Variants in CCDC171 observed in about 807,000 individuals in gnomAD.
CCDC171 encodes coiled-coil domain containing 171.
A neutral mutation model predicts 168.2 loss-of-function variants in CCDC171; 177 were observed. The observed-to-expected ratio is 1.05, with a 90% CI of 0.93 to 1.19. The LOEUF is 1.19. Among genes scored for constraint, CCDC171 ranks in the 50% most tolerant of loss-of-function variants. The pLI, the probability that CCDC171 is intolerant of heterozygous loss-of-function variation, is 0.00. For missense variants in CCDC171, 1,991 were observed against 1,539.0 expected (o/e 1.29, Z -4.91); for synonymous variants, 687 against 540.8 (o/e 1.27, Z -3.75).
At chr9:15,977,416 A>G (rs1019437323), downstream of CCDC171, among the ~76,000 whole-genome samples, 4 of 152,234 alleles carry the variant, frequency 2.6e-5, no homozygotes, top group African/African-American at 9.6e-5. Flanking sequence ...TGGATATAGT[A>G]TGGGAAGGAG....
At chr9:15,950,467 T>C (rs1177026054) in intron 25 of CCDC171, among the ~76,000 whole-genome samples, 1 of 152,034 alleles carries the variant, frequency 6.6e-6, no homozygotes, top group African/African-American at 2.4e-5. Flanking sequence ...GGTGCCAATA[T>C]TCAACATTCT....
At chr9:15,807,774 A>G (rs75626829) in intron 21 of CCDC171, among the ~76,000 whole-genome samples, 4,691 of 151,612 alleles carry the variant, frequency 0.031, 255 homozygotes, top group African/African-American at 0.11. Flanking sequence ...ACTCTGTACT[A>G]TACCTTTTAG....
At chr9:15,951,956 G>A (rs10810501) in intron 25 of CCDC171, among the ~76,000 whole-genome samples, 2 of 151,864 alleles carry the variant, frequency 1.3e-5, no homozygotes, top group Admixed American at 1.3e-4. Flanking sequence ...GGGTTGTAAA[G>A]CTTTCACCCT....
At chr9:15,696,546 G>C (rs1464190768) in intron 11 of CCDC171, among the ~76,000 whole-genome samples, 3 of 152,154 alleles carry the variant, frequency 2.0e-5, no homozygotes, top group Non-Finnish European at 4.4e-5. Flanking sequence ...CTTTGGAGGA[G>C]AAAATTTTCC....
chr9:15,919,918 G>A (rs542445949), intron 24 of CCDC171, among the ~76,000 whole-genome samples: 45 of 151,596 alleles, frequency 3.0e-4, no homozygotes, highest in African/African-American at 1.1e-3. Context: ...CATTAAGATT[G>A]CACCTCTCTT....
intron 3 of CCDC171, among the ~76,000 whole-genome samples, chr9:15,980,659 G>T (rs1287793173): frequency 6.6e-6 from 1 of 151,768 alleles, no homozygotes; most frequent in Non-Finnish European, 1.5e-5. Flanking sequence ...CTTGGCATTT[G>T]TCTAAGATTT....
intron 3 of CCDC171, among the ~76,000 whole-genome samples, chr9:16,003,905 G>A (rs975439447): frequency 1.1e-4 from 17 of 152,214 alleles, no homozygotes; most frequent in African/African-American, 4.1e-4. Flanking sequence ...GACAGAAGCT[G>A]AAGAGGTGAG....
At chr9:15,633,467 C>A (rs1034438916) in intron 7 of CCDC171, among the ~76,000 whole-genome samples, 29 of 152,154 alleles carry the variant, frequency 1.9e-4, no homozygotes, top group Non-Finnish European at 4.0e-4. Context: ...ATCAAAATCA[C>A]AATGAGATAC....
At chr9:16,026,501 G>T (rs774229269) in intron 6 of CCDC171, among the ~76,000 whole-genome samples, 90 of 152,118 alleles carry the variant, frequency 5.9e-4, no homozygotes, top group Non-Finnish European at 9.6e-4. Flanking sequence ...CCACCCCTTT[G>T]ACCCCTTTAT....
At chr9:15,574,378 T>G (rs1419249674) in intron 3 of CCDC171, among the ~76,000 whole-genome samples, 2 of 151,712 alleles carry the variant, frequency 1.3e-5, no homozygotes, top group Non-Finnish European at 2.9e-5. Context: ...CTCCTGACTT[T>G]GTGATCCACC....
At chr9:16,090,329 C>A in the CCDC171 span, among the ~76,000 whole-genome samples, 1 of 152,058 alleles carries the variant, frequency 6.6e-6, no homozygotes, top group Admixed American at 6.6e-5. Flanking sequence ...AACAGAAAAA[C>A]ACTGCATGTT....
rs551746143 is a variant in CCDC171, at chr9:15,762,679, A to T, written c.2672-14921A>T. On this transcript the variant is annotated intron_variant, in intron 18 of 25. Coordinates refer to ENST00000380701, the MANE Select transcript of CCDC171 (RefSeq NM_173550.4). ...TGTATTGTGATACAATTTACATGCA[A>T]TAAAATGTGCTTATTTGACTATAAA... Among the ~76,000 whole-genome samples the T allele has an allele frequency of 2.3e-3, 350 of 152,308 alleles. 2 individuals are homozygous for T. Among genetic ancestry groups the T allele is most frequent in the African/African-American group, 7.9e-3 (328 of 41,564 alleles).
chr9:15,784,634 A>C lies in CCDC171; in HGVS notation c.3207A>C (p.Lys1069Asn). 1 of 1,613,480 alleles carries C rather than the reference A, an allele frequency of 6.2e-7. No individual in the cohort carries two copies. The highest frequency in any genetic ancestry group is 8.5e-7 in the Non-Finnish European group (1 of 1,179,614). Residue 1069 changes from lysine (K) to asparagine (N), a missense_variant, in exon 21 of 26, where the codon AAA becomes AAC. By Grantham distance (94) the Lys-to-Asn change is moderately conservative. Coordinates refer to ENST00000380701, the MANE Select transcript of CCDC171 (RefSeq NM_173550.4). ...QAQQLQELNY[K>N]LELHSSEEAD... ...AACAACTACAGGAATTGAATTATAAACTTGAATTGCACTCCAGTGAGGAAG... is the reference window on the plus strand; with the variant it reads ...AACAACTACAGGAATTGAATTATAACCTTGAATTGCACTCCAGTGAGGAAG...
chr9:16,038,527 A>T (rs986735387), upstream of CCDC171, among the ~76,000 whole-genome samples: 1 of 152,172 alleles, frequency 6.6e-6, no homozygotes, highest in African/African-American at 2.4e-5. Context: ...TAAGGGTAAC[A>T]TCTAAAACAT....
intron 3 of CCDC171, among the ~76,000 whole-genome samples, chr9:15,576,161 A>G (rs191710358): frequency 0.031 from 4,444 of 144,206 alleles, 205 homozygotes; most frequent in African/African-American, 0.11. Flanking sequence ...GTGTGTGTGT[A>G]TATACATGTA....
intron 6 of CCDC171, among the ~76,000 whole-genome samples, chr9:15,607,885 C>T (rs2043340653): frequency 6.6e-6 from 1 of 152,144 alleles, no homozygotes; most frequent in Non-Finnish European, 1.5e-5. Flanking sequence ...CTGCCTTGTC[C>T]ATTTTCTGTT....
intron 6 of CCDC171, among the ~76,000 whole-genome samples, chr9:15,611,625 C>A (rs1246457599): frequency 6.6e-6 from 1 of 152,110 alleles, no homozygotes; most frequent in Non-Finnish European, 1.5e-5. Context: ...TGTCTTACCC[C>A]AACCCCCAGT....
intron 4 of CCDC171, 59 bp from the exon 5 acceptor site, chr9:15,591,307 G>T: frequency 9.6e-7 from 1 of 1,044,218 alleles, no homozygotes; most frequent in Non-Finnish European, 1.4e-6. Context: ...CCTAGGTTTT[G>T]GGGCTCCTTG....
intron 24 of CCDC171, among the ~76,000 whole-genome samples, chr9:15,900,282 A>G (rs923475819): frequency 3.9e-5 from 6 of 152,198 alleles, no homozygotes; most frequent in African/African-American, 1.4e-4. Context: ...GACTGGAGGA[A>G]AGCAAACAGC....
Sources: gnomAD v4.1 joint callset for allele counts (sites outside exome capture counted in the v4.1 genomes callset) on GRCh38, gnomAD v4.1.1 for gene constraint, MANE v1.5 for transcripts, NCBI Gene and HGNC (gene_info 2026-07-23, HGNC 2026-07-21) for gene names.